Variants in EPHB2 observed in about 807,000 individuals in gnomAD.
EPHB2 encodes the protein EPH receptor B2.
A neutral mutation model predicts 96.4 loss-of-function variants in EPHB2; 18 were observed. The observed-to-expected ratio is 0.19, with a 90% CI of 0.13 to 0.28. The LOEUF (loss-of-function observed/expected upper bound fraction) is 0.28. Ranked by LOEUF, EPHB2 falls within the 10% of genes least tolerant of loss-of-function variation. The pLI, the probability that EPHB2 is intolerant of heterozygous loss-of-function variation, is 1.00. For missense variants in EPHB2, 989 were observed against 1,355.4 expected, an observed-to-expected ratio of 0.73 and a Z score of 4.25; for synonymous variants, 506 against 534.1, an observed-to-expected ratio of 0.95 and a Z score of 0.72.
At chr1:22,839,774 A>G (rs1289053669) in intron 3 of EPHB2, among the ~76,000 whole-genome samples, 1 of 152,180 alleles carries the variant, frequency 6.6e-6, no homozygotes, top group Non-Finnish European at 1.5e-5. Flanking sequence ...GTGAATGGGC[A>G]AAGTTGGGAC....
rs1459453657 is a variant in EPHB2 at position 22,784,519 on chromosome 1, G to A, written c.254G>A (p.Arg85His). The A allele has an allele frequency of 8.7e-6, 14 of 1,613,556 alleles. No individual in the cohort carries two copies. The highest frequency in any genetic ancestry group is 1.1e-5 in the Non-Finnish European group (13 of 1,179,618). The change falls in exon 3 of 16, where the codon CGC (arginine) becomes CAC (histidine). Residue 85 changes from arginine (R) to histidine (H), a missense_variant. Transcript: ENST00000374630. The surrounding 1 kb of genome is among the most constrained non-coding windows in gnomAD (Gnocchi z 5.1). ...TTTATCCGGCGCCGTGGCGCCCACC[G>A]CATCCACGTGGAGATGAAGTTTTCG... is the stretch of plus-strand genomic sequence containing the variant. ...TKFIRRRGAH[R>H]IHVEMKFSVR...
rs138470442 is a variant in EPHB2 at position 22,870,982 on chromosome 1, G to A, written c.1303+5770G>A. On this transcript the variant is annotated intron_variant, in intron 5 of 15. Transcript: ENST00000374630. ...TCCCAGGTTGCTGGCACAGGTAGGC[G>A]CCTAAAACACAGAGATCATTCTCTA... 6.0e-4 allele frequency among the ~76,000 whole-genome samples: 92 copies of A among 152,248 alleles called. No individual in the cohort carries two copies. In the East Asian group the frequency reaches 9.3e-3, roughly 15 times the overall value.
At chr1:22,716,846 G>T (rs1395779319) in intron 1 of EPHB2, among the ~76,000 whole-genome samples, 3 of 152,338 alleles carry the variant, frequency 2.0e-5, no homozygotes, top group Middle Eastern at 3.4e-3. Flanking sequence ...TCCCACTGAG[G>T]GTGGCGGAGA....
At chr1:22,891,052 G>C in intron 6 of EPHB2, 1 of 455,978 alleles carries the variant, frequency 2.2e-6, no homozygotes, top group South Asian at 1.5e-5. Context: ...ATCAGTGTGA[G>C]CCTGTTATAC....
At chr1:22,795,486 GTTT>G (rs1644754337) in intron 3 of EPHB2, among the ~76,000 whole-genome samples, 1 of 148,878 alleles carries the variant, frequency 6.7e-6, no homozygotes, top group Non-Finnish European at 1.5e-5. Context: ...GTTTTGTTTT[GTTT>G]TGTTTTGCCC....
rs541814998 is a variant in EPHB2, at chr1:22,910,561, G to A, written c.2682G>A (p.Ala894=). ...ATCCCAACAGCCTCAAAGCCATGGC[G>A]CCCCTCTCCTCTGGGTAAGGCCCCA... The part of the protein sequence containing the change: ...IRNPNSLKAM[A]PLSSGINLPL... The change falls in exon 14 of 16, where the codon GCG becomes GCA. Residue 894 remains alanine (A), a synonymous_variant. Transcript: ENST00000374630. 1.3e-5 allele frequency: 21 copies of A among 1,598,242 alleles called. No homozygotes were observed. Among genetic ancestry groups the A allele is most frequent in the African/African-American group, 6.6e-5 (4 of 60,550 alleles).
chr1:22,825,125 C>T (rs1224953315), intron 3 of EPHB2, among the ~76,000 whole-genome samples: 1 of 152,246 alleles, frequency 6.6e-6, no homozygotes, highest in Admixed American at 6.5e-5. Flanking sequence ...ACATAAGCTC[C>T]GATTCAGGTA....
chr1:22,783,931 C>T (rs148458984), intron 2 of EPHB2, among the ~76,000 whole-genome samples: 173 of 152,282 alleles, frequency 1.1e-3, no homozygotes, highest in Admixed American at 2.5e-3. Flanking sequence ...CTTCCTCCAT[C>T]AGACCGAGAG....
intron 1 of EPHB2, among the ~76,000 whole-genome samples, chr1:22,726,668 C>T (rs1422130815): frequency 6.6e-6 from 1 of 152,076 alleles, no homozygotes; most frequent in African/African-American, 2.4e-5. Context: ...GTGATCTGCC[C>T]GCCTCAGCCT....
At chr1:22,909,227 A>G in intron 13 of EPHB2, 56 bp downstream of exon 13, 7 of 1,613,128 alleles carry the variant, frequency 4.3e-6, no homozygotes, top group Non-Finnish European at 4.2e-6. Flanking sequence ...GGGAGAGGGA[A>G]GATCGGGGCT....
chr1:22,796,745 G>A lies in EPHB2; in HGVS notation c.811+11669G>A, dbSNP rs554427207. On this transcript the variant is annotated intron_variant, in intron 3 of 15. Transcript: ENST00000374630. The stretch of plus-strand genomic sequence containing the variant: ...TGTAAGTAACAGAATAAGAATACCC[G>A]GAGGAGGCAGGCACAGGCTCTTATC... Among the ~76,000 whole-genome samples the A allele has an allele frequency of 1.4e-3, 206 of 152,202 alleles. 2 individuals carry two copies. Among genetic ancestry groups the A allele is most frequent in the Admixed American group, 2.2e-3 (33 of 15,276 alleles).
chr1:22,870,164 G>A (rs993571921), intron 5 of EPHB2, among the ~76,000 whole-genome samples: 1 of 152,148 alleles, frequency 6.6e-6, no homozygotes, highest in African/African-American at 2.4e-5. Context: ...TGTTTCTTCT[G>A]GGCAAGTGAC....
chr1:22,897,837 C>T (rs888674337), intron 9 of EPHB2, among the ~76,000 whole-genome samples: 4 of 151,298 alleles, frequency 2.6e-5, no homozygotes, highest in Non-Finnish European at 4.4e-5. Context: ...CAGTGGCTCA[C>T]GCCTGTAATC....
intron 5 of EPHB2, among the ~76,000 whole-genome samples, chr1:22,866,801 G>A (rs778077610): frequency 4.6e-5 from 7 of 152,116 alleles, no homozygotes; most frequent in South Asian, 2.1e-4. Context: ...AGGTATGGTC[G>A]CGGGCACCTG....
At position 22,921,076 on chromosome 1, in the gene EPHB2, G is replaced by C. The variant is rs1240618514; in HGVS notation, c.*7506G>C. ...CAGATCCTTTGCCAGTCAAATCCCA[G>C]ATCCCCGGGGGGGCACTGTGGCACC... On this transcript the variant is annotated 3_prime_UTR_variant, in exon 16 of 16. Coordinates refer to ENST00000374630, the MANE Select transcript of EPHB2 (RefSeq NM_017449.5). The C allele has an allele frequency of 6.6e-6, 1 of 152,372 alleles. No homozygotes were observed. Among genetic ancestry groups the C allele is most frequent in the African/African-American group, 2.4e-5 (1 of 41,416 alleles). The allele number at this position is 152,372 out of a possible 1,614,324, so 9.4% of individuals were successfully genotyped here.
chr1:22,891,920 A>C (rs1639402994), intron 6 of EPHB2, among the ~76,000 whole-genome samples: 1 of 151,556 alleles, frequency 6.6e-6, no homozygotes, highest in Non-Finnish European at 1.5e-5. Flanking sequence ...TCAGCCTCCC[A>C]AGTAGCTGGG....
chr1:22,834,697 G>A (rs181712574), intron 3 of EPHB2, among the ~76,000 whole-genome samples: 8 of 152,256 alleles, frequency 5.3e-5, no homozygotes, highest in Admixed American at 1.3e-4. Flanking sequence ...GGCTGAGGTG[G>A]GCGGATCACT....
intron 5 of EPHB2, among the ~76,000 whole-genome samples, chr1:22,871,488 A>C (rs749252125): frequency 1.1e-4 from 16 of 152,186 alleles, no homozygotes; most frequent in Non-Finnish European, 2.2e-4. Context: ...CCAGGATGTG[A>C]GAAGACCTCA....
At chr1:22,872,019 G>A (rs202223599) in intron 5 of EPHB2, among the ~76,000 whole-genome samples, 22 of 147,068 alleles carry the variant, frequency 1.5e-4, no homozygotes, top group Non-Finnish European at 1.2e-4. Flanking sequence ...CCATCTCAAA[G>A]AAAAAAAAAA....
Sources: allele counts gnomAD v4.1 joint callset (sites outside exome capture counted in the v4.1 genomes callset), GRCh38; gene constraint gnomAD v4.1.1; non-coding constraint Gnocchi (gnomAD v3.1); transcripts MANE v1.5; gene names NCBI Gene and HGNC (gene_info 2026-07-23, HGNC 2026-07-21).